SMURF1: variants seen among roughly 807,000 people sequenced by gnomAD.
The protein encoded by SMURF1 is E3 ubiquitin-protein ligase SMURF1.
Under a neutral mutation model 98.0 loss-of-function variants are expected in SMURF1, and 44 were observed. The ratio of observed to expected loss-of-function variants is 0.45; its 90% CI spans 0.35 to 0.58. The LOEUF is 0.58. Among genes scored for constraint, SMURF1 ranks in the 20% least tolerant of loss-of-function variants. The probability of loss-of-function intolerance (pLI) is 0.00; values close to 1 mark genes in which losing one functional copy is unlikely to be tolerated. For synonymous variants in SMURF1, 396 were observed against 374.9 expected (o/e 1.06, Z -0.65); for missense variants, 687 against 938.4 (o/e 0.73, Z 3.50).
At chr7:99,094,007 C>A (rs201331733) in intron 1 of SMURF1, among the ~76,000 whole-genome samples, 2 of 152,144 alleles carry the variant, frequency 1.3e-5, no homozygotes, top group East Asian at 3.9e-4. Flanking sequence ...AGACTGAAAT[C>A]AATTAAAAGA....
intron 1 of SMURF1, among the ~76,000 whole-genome samples, chr7:99,089,924 G>A (rs1256900853): frequency 6.6e-6 from 1 of 152,148 alleles, no homozygotes; most frequent in African/African-American, 2.4e-5. Flanking sequence ...TAGGAGAGAA[G>A]GAAGGGGTTA....
intron 1 of SMURF1, among the ~76,000 whole-genome samples, chr7:99,091,122 T>C (rs531627190): frequency 1.3e-5 from 2 of 152,358 alleles, no homozygotes; most frequent in East Asian, 3.9e-4. Flanking sequence ...TGCCAGCCTC[T>C]ACTCCAGATG....
intron 8 of SMURF1, 30 bp from the exon 9 acceptor site, chr7:99,049,739 G>A (rs770198579): frequency 6.2e-7 from 1 of 1,603,626 alleles, no homozygotes; most frequent in South Asian, 1.1e-5. Context: ...AGAGAGGTTT[G>A]TCCAACTGAG....
intron 16 of SMURF1, 87 bp from the exon 17 acceptor site, chr7:99,033,208 AC>A: frequency 7.5e-7 from 1 of 1,326,874 alleles, no homozygotes; most frequent in Non-Finnish European, 1.1e-6. Flanking sequence ...CAGGGCCCTG[AC>A]CACATTCCCA....
intron 6 of SMURF1, among the ~76,000 whole-genome samples, chr7:99,052,895 C>G (rs1795793936): frequency 6.6e-6 from 1 of 152,112 alleles, no homozygotes. Context: ...GAAACCGCAT[C>G]TCTACTAAAA....
chr7:99,038,132 G>A (rs1383787032), intron 14 of SMURF1, among the ~76,000 whole-genome samples: 1 of 151,788 alleles, frequency 6.6e-6, no homozygotes, highest in Non-Finnish European at 1.5e-5. Flanking sequence ...CCAGAATTAG[G>A]TGGTCACTGA....
intron 5 of SMURF1, among the ~76,000 whole-genome samples, chr7:99,056,951 T>A (rs1437441843): frequency 7.9e-5 from 10 of 126,220 alleles, no homozygotes; most frequent in African/African-American, 3.2e-4. Flanking sequence ...TGAGGTGAGC[T>A]GAGATCTCAC....
At chr7:99,030,930 C>T (rs532263852) in intron 17 of SMURF1, 1 of 388,950 alleles carries the variant, frequency 2.6e-6, no homozygotes, top group Admixed American at 4.1e-5. Flanking sequence ...AAACTCCTGG[C>T]CTCAAGTGAA....
chr7:99,074,679 C>A (rs1796410174), intron 1 of SMURF1, among the ~76,000 whole-genome samples: 1 of 151,882 alleles, frequency 6.6e-6, no homozygotes, highest in African/African-American at 2.4e-5. Flanking sequence ...AAAAGACCTG[C>A]ATCTAGAATA....
At chr7:99,038,786 C>T (rs1410529058) in intron 13 of SMURF1, among the ~76,000 whole-genome samples, 1 of 152,156 alleles carries the variant, frequency 6.6e-6, no homozygotes, top group Non-Finnish European at 1.5e-5. Context: ...CCTGTGATTT[C>T]AGGGGACCCA....
At chr7:99,040,109 T>G (rs539428580) in intron 13 of SMURF1, among the ~76,000 whole-genome samples, 1 of 152,204 alleles carries the variant, frequency 6.6e-6, no homozygotes, top group African/African-American at 2.4e-5. Flanking sequence ...ACTGAGTACT[T>G]TTTGCTAGAT....
intron 6 of SMURF1, among the ~76,000 whole-genome samples, chr7:99,054,331 G>A (rs1453322051): frequency 6.6e-6 from 1 of 152,104 alleles, no homozygotes; most frequent in African/African-American, 2.4e-5. Context: ...TTTTGAGACA[G>A]AGTCTTGCTC....
chr7:99,108,611 CAAAAAA>C (rs11458541), intron 1 of SMURF1, among the ~76,000 whole-genome samples: 4,065 of 58,496 alleles, frequency 0.069, 182 homozygotes, highest in African/African-American at 0.24. Context: ...AACTCTGTCT[CAAAAAA>C]AAAAAAAAAA....
At chr7:99,075,578 A>G (rs532600145) in intron 1 of SMURF1, among the ~76,000 whole-genome samples, 8 of 151,870 alleles carry the variant, frequency 5.3e-5, no homozygotes, top group Admixed American at 2.6e-4. Flanking sequence ...AAGCGTTGGG[A>G]TTGAATCGAA....
intron 17 of SMURF1, among the ~76,000 whole-genome samples, chr7:99,032,485 A>T (rs973734943): frequency 6.6e-6 from 1 of 152,228 alleles, no homozygotes; most frequent in African/African-American, 2.4e-5. Context: ...CCTGGCCAAC[A>T]TGGCAAAACC....
intron 1 of SMURF1, among the ~76,000 whole-genome samples, chr7:99,062,386 C>T (rs1291259890): frequency 6.6e-6 from 1 of 152,064 alleles, no homozygotes. Flanking sequence ...CTTACAGGTA[C>T]CGCTAATGAC....
intron 1 of SMURF1, among the ~76,000 whole-genome samples, chr7:99,142,103 G>C (rs1272879849): frequency 6.6e-6 from 1 of 152,240 alleles, no homozygotes; most frequent in Non-Finnish European, 1.5e-5. Context: ...CAGAACCTCT[G>C]GAGCCCGGGG....
chr7:99,143,804 G>A lies in SMURF1; in HGVS notation c.-24C>T, dbSNP rs752153946. 7.8e-6 allele frequency: 12 copies of A among 1,542,486 alleles called. No individual in the cohort carries two copies. The South Asian group carries it at 1.3e-4, about 17-fold the overall frequency. On this transcript the variant is annotated 5_prime_UTR_variant, in exon 1 of 18. Coordinates refer to ENST00000361368, the MANE Select transcript of SMURF1 (RefSeq NM_181349.3). ...ATCTCCCGCCAACGATCGGGCAGCC[G>A]CGGATCCAGCGCCACCGCCCCCCAG...
chr7:99,130,078 C>T (rs1797837211), intron 1 of SMURF1, among the ~76,000 whole-genome samples: 1 of 152,184 alleles, frequency 6.6e-6, no homozygotes, highest in Non-Finnish European at 1.5e-5. Context: ...GTATTTCTCT[C>T]TCTTAAAACT....
Sources: allele counts gnomAD v4.1 joint callset (sites outside exome capture counted in the v4.1 genomes callset), GRCh38; gene constraint gnomAD v4.1.1; transcripts MANE v1.5; gene names NCBI Gene and HGNC (gene_info 2026-07-23, HGNC 2026-07-21).